ITPR2: variants seen among roughly 807,000 people sequenced by gnomAD.
ITPR2 encodes inositol 1,4,5-trisphosphate-gated calcium channel ITPR2.
Under a neutral mutation model 317.1 loss-of-function variants are expected in ITPR2, and 207 were observed. That is an observed-to-expected ratio of 0.65 (90% confidence interval 0.58 to 0.73). The LOEUF (loss-of-function observed/expected upper bound fraction) is 0.73, where lower values mean the gene tolerates loss of function less well. Ranked by LOEUF, ITPR2 falls within the 30% of genes least tolerant of loss-of-function variation. The probability of loss-of-function intolerance (pLI) is 0.00; values close to 1 mark genes in which losing one functional copy is unlikely to be tolerated. For synonymous variants in ITPR2, 1,156 were observed against 1,149.1 expected (o/e 1.01, Z -0.12); for missense variants, 2,613 against 3,284.0 (o/e 0.80, Z 4.99).
chr12:26,387,564 G>A lies in ITPR2; in HGVS notation c.7727C>T (p.Thr2576Met), dbSNP rs1305642891. The change falls in exon 55 of 57, where the codon ACG (threonine) becomes ATG (methionine). Residue 2576 changes from threonine to methionine, a missense_variant. Physicochemically the swap from Thr to Met is moderately conservative, Grantham distance 81. Transcript: ENST00000381340. ...GLERDKFDNK[T>M]VSFEEHIKSE... is the part of the protein sequence containing the mutation. The stretch of plus-strand genomic sequence containing the variant: ...CTTAATGTGCTCCTCAAATGAAACC[G>A]TTTTATTATCAAACTTGTCTCTCTC... 1.2e-6 allele frequency: 2 copies of A among 1,613,460 alleles called. No individual in the cohort carries two copies. Among genetic ancestry groups the A allele is most frequent in the Non-Finnish European group, 8.5e-7 (1 of 1,179,724 alleles).
chr12:26,693,339 T>C (rs1948275199), intron 10 of ITPR2, among the ~76,000 whole-genome samples: 1 of 152,206 alleles, frequency 6.6e-6, no homozygotes, highest in Non-Finnish European at 1.5e-5. Flanking sequence ...AAAGCTTGAT[T>C]AACAGAAAGA....
intron 39 of ITPR2, among the ~76,000 whole-genome samples, chr12:26,490,825 A>C (rs1942783734): frequency 6.6e-6 from 1 of 152,202 alleles, no homozygotes; most frequent in Admixed American, 6.5e-5. Context: ...AGAACAAACA[A>C]ACAAGCAAAC....
At chr12:26,595,386 G>T in intron 32 of ITPR2, 79 bp downstream of exon 32, 1 of 1,360,164 alleles carries the variant, frequency 7.4e-7, no homozygotes, top group Non-Finnish European at 1.0e-6. Flanking sequence ...GAATTTAACT[G>T]CAAGTTTTCA....
intron 34 of ITPR2, among the ~76,000 whole-genome samples, chr12:26,574,163 T>G (rs1026514783): frequency 1.3e-5 from 2 of 151,916 alleles, no homozygotes; most frequent in African/African-American, 4.8e-5. Context: ...CACAGAAATC[T>G]GCCTCTTGCA....
At chr12:26,411,269 A>T (rs1233551970) in intron 52 of ITPR2, 51 bp downstream of exon 52, 3 of 1,219,534 alleles carry the variant, frequency 2.5e-6, no homozygotes, top group South Asian at 2.5e-5. Flanking sequence ...TTTACTAAAT[A>T]AAACTTCAAA....
chr12:26,689,707 C>T (rs1316925403), intron 10 of ITPR2, among the ~76,000 whole-genome samples: 1 of 152,138 alleles, frequency 6.6e-6, no homozygotes, highest in African/African-American at 2.4e-5. Flanking sequence ...AAGGTCTATG[C>T]AATCCTCTTT....
chr12:26,419,265 CATGG>C, intron 49 of ITPR2, 52 bp from the exon 50 acceptor site: 1 of 1,527,966 alleles, frequency 6.5e-7, no homozygotes, highest in Non-Finnish European at 9.0e-7. Flanking sequence ...CTGAAACCCA[CATGG>C]ATGAAAACTA....
At chr12:26,646,600 G>A (rs753243496) in intron 21 of ITPR2, among the ~76,000 whole-genome samples, 1 of 152,110 alleles carries the variant, frequency 6.6e-6, no homozygotes, top group Non-Finnish European at 1.5e-5. Context: ...CCTGCCTCCT[G>A]TCTCCGCCCT....
intron 45 of ITPR2, among the ~76,000 whole-genome samples, chr12:26,468,496 T>G (rs1294748013): frequency 2.0e-5 from 3 of 151,624 alleles, no homozygotes; most frequent in African/African-American, 7.3e-5. Context: ...CATGCATTTT[T>G]GCCAGAAGTT....
Position 26,815,685 on chromosome 12 carries a change from A to G in ITPR2, c.92+17005T>C, listed in dbSNP as rs978931801. On this transcript the variant is annotated intron_variant, in intron 1 of 56. Transcript: ENST00000381340. ...CAAAAGATAAATATAACTACCTGCAATTGAGTAGCGTGCATTATCAAAGTA... is the reference window on the plus strand; with the variant it reads ...CAAAAGATAAATATAACTACCTGCAGTTGAGTAGCGTGCATTATCAAAGTA... Among the ~76,000 whole-genome samples, 7 of 152,214 alleles carry G rather than the reference A, an allele frequency of 4.6e-5. No individual in the cohort carries two copies. In the South Asian group the frequency reaches 1.4e-3, roughly 32 times the overall value.
intron 1 of ITPR2, among the ~76,000 whole-genome samples, chr12:26,810,952 C>T (rs1480522981): frequency 2.0e-5 from 3 of 151,220 alleles, no homozygotes; most frequent in Admixed American, 2.0e-4. Flanking sequence ...AGGCATGAGC[C>T]ACCACACCTG....
At chr12:26,812,076 T>TGGCGTGAA in intron 1 of ITPR2, among the ~76,000 whole-genome samples, 1 of 147,298 alleles carries the variant, frequency 6.8e-6, no homozygotes, top group East Asian at 2.0e-4. Context: ...GGCAGGAGAA[T>TGGCGTGAA]CACTTCATCC....
At chr12:26,462,154 C>G (rs973926793) in intron 45 of ITPR2, among the ~76,000 whole-genome samples, 4 of 149,574 alleles carry the variant, frequency 2.7e-5, no homozygotes, top group Admixed American at 6.7e-5. Flanking sequence ...ACAAGGAAAA[C>G]TTTTGTTTTG....
Position 26,481,259 on chromosome 12 carries a change from TG to T in ITPR2, c.6013-19del. ...ATACAGGTCTAGAAAACAAAATATT[TG>T]TAAAATATCATTTTATTCACAACAG... is the stretch of plus-strand genomic sequence containing the variant. On this transcript the variant is annotated intron_variant, in intron 42 of 56. Coordinates refer to ENST00000381340, the MANE Select transcript of ITPR2 (RefSeq NM_002223.4). The T allele has an allele frequency of 7.3e-7, 1 of 1,370,320 alleles. No individual in the cohort carries two copies. The highest frequency in any genetic ancestry group is 1.0e-6 in the Non-Finnish European group (1 of 960,650). The allele number at this position is 1,370,320 out of a possible 1,614,324, so 84.9% of individuals were successfully genotyped here.
chr12:26,479,952 C>A (rs1486317384), intron 43 of ITPR2, among the ~76,000 whole-genome samples: 1 of 152,114 alleles, frequency 6.6e-6, no homozygotes, highest in South Asian at 2.1e-4. Context: ...TACTAAGAGC[C>A]TTTAGCACAA....
chr12:26,641,032 G>A (rs181476781), intron 21 of ITPR2, among the ~76,000 whole-genome samples: 366 of 152,268 alleles, frequency 2.4e-3, no homozygotes, highest in African/African-American at 8.3e-3. Context: ...AAGAAGTAGA[G>A]TATGTGATTT....
Position 26,406,056 on chromosome 12 carries a change from A to C in ITPR2, c.7399+5264T>G, listed in dbSNP as rs184194214. 2.0e-5 allele frequency among the ~76,000 whole-genome samples: 3 copies of C among 152,200 alleles called. No homozygotes were observed. The South Asian group carries it at 6.2e-4, about 32-fold the overall frequency. Reference sequence around the variant, plus strand: ...GGAAATGCTGATTTTAAAAATTTCAACTATATCCAAAATGTCAGTACTGCT... The same window carrying C: ...GGAAATGCTGATTTTAAAAATTTCACCTATATCCAAAATGTCAGTACTGCT... On this transcript the variant is annotated intron_variant, in intron 52 of 56. Coordinates refer to ENST00000381340, the MANE Select transcript of ITPR2 (RefSeq NM_002223.4).
At chr12:26,538,151 C>T (rs1591872872) in intron 37 of ITPR2, among the ~76,000 whole-genome samples, 1 of 152,172 alleles carries the variant, frequency 6.6e-6, no homozygotes, top group South Asian at 2.1e-4. Flanking sequence ...GCTGGATTTT[C>T]CTCCTGGTTG....
intron 13 of ITPR2, among the ~76,000 whole-genome samples, chr12:26,676,229 C>T (rs774333684): frequency 1.6e-4 from 24 of 152,018 alleles, no homozygotes; most frequent in Non-Finnish European, 2.9e-4. Flanking sequence ...GTAATCCCAG[C>T]ACTTTGGGAG....
Sources: gnomAD v4.1 joint callset for allele counts (sites outside exome capture counted in the v4.1 genomes callset) on GRCh38, gnomAD v4.1.1 for gene constraint, MANE v1.5 for transcripts, NCBI Gene and HGNC (gene_info 2026-07-23, HGNC 2026-07-21) for gene names.